PAPPA: variants seen among roughly 807,000 people sequenced by gnomAD.
PAPPA encodes the protein pappalysin 1.
In PAPPA, 60 loss-of-function variants were observed where a neutral mutation model predicts 164.0. The observed-to-expected ratio is 0.37, with a 90% CI of 0.30 to 0.45. The LOEUF is 0.45. Ranked by LOEUF, PAPPA falls within the 20% of genes least tolerant of loss-of-function variation. The pLI is 1.00. For missense variants in PAPPA, 1,782 were observed against 2,087.3 expected (o/e 0.85, Z 2.85); for synonymous variants, 875 against 814.1 (o/e 1.07, Z -1.27).
intron 9 of PAPPA, among the ~76,000 whole-genome samples, chr9:116,278,014 T>C (rs1308676956): frequency 1.3e-5 from 2 of 152,194 alleles, no homozygotes; most frequent in African/African-American, 4.8e-5. Context: ...AGAAACCCTA[T>C]GAGATAAATA....
chr9:116,224,973 T>C (rs1425642771), intron 5 of PAPPA, among the ~76,000 whole-genome samples: 1 of 152,210 alleles, frequency 6.6e-6, no homozygotes, highest in African/African-American at 2.4e-5. Context: ...AATTCCTAGA[T>C]GTGTAGGACA....
At chr9:116,208,928 C>T (rs1265966642) in intron 3 of PAPPA, among the ~76,000 whole-genome samples, 1 of 151,978 alleles carries the variant, frequency 6.6e-6, no homozygotes, top group African/African-American at 2.4e-5. Flanking sequence ...GGATTTTATG[C>T]CCCAGGAGAC....
intron 10 of PAPPA, among the ~76,000 whole-genome samples, chr9:116,315,460 A>T (rs1374117815): frequency 6.6e-6 from 1 of 152,246 alleles, no homozygotes; most frequent in African/African-American, 2.4e-5. Flanking sequence ...CATGATAAAT[A>T]CTGATAAATA....
At chr9:116,205,069 CTTTT>C (rs61708820) in intron 2 of PAPPA, among the ~76,000 whole-genome samples, 1 of 142,246 alleles carries the variant, frequency 7.0e-6, no homozygotes, top group East Asian at 2.0e-4. Context: ...TGTGTTGTTG[CTTTT>C]TTTTTTTTTC....
chr9:116,274,404 T>C (rs553244082), intron 9 of PAPPA, among the ~76,000 whole-genome samples: 1 of 152,328 alleles, frequency 6.6e-6, no homozygotes, highest in African/African-American at 2.4e-5. Flanking sequence ...GAAAACTATC[T>C]TCCTCCGAAA....
At chr9:116,327,866 T>C (rs1349945119) in intron 10 of PAPPA, among the ~76,000 whole-genome samples, 1 of 152,232 alleles carries the variant, frequency 6.6e-6, no homozygotes, top group Non-Finnish European at 1.5e-5. Flanking sequence ...ATTTTGCAGA[T>C]CAACTAGGGC....
At chr9:116,384,792 A>AGTCT (rs977828120) in intron 21 of PAPPA, among the ~76,000 whole-genome samples, 9 of 139,798 alleles carry the variant, frequency 6.4e-5, no homozygotes, top group Non-Finnish European at 1.5e-4. Context: ...CTTCCATTGG[A>AGTCT]GTCAGCCACC....
At chr9:116,258,346 A>G (rs1277199791) in intron 7 of PAPPA, among the ~76,000 whole-genome samples, 1 of 152,066 alleles carries the variant, frequency 6.6e-6, no homozygotes, top group Non-Finnish European at 1.5e-5. Flanking sequence ...TGCTACCGAT[A>G]AAACAGTAGA....
chr9:116,170,673 C>T (rs138184266), intron 1 of PAPPA, among the ~76,000 whole-genome samples: 44 of 150,360 alleles, frequency 2.9e-4, no homozygotes, highest in African/African-American at 9.3e-4. Flanking sequence ...ACCCTTCCAT[C>T]AATCCATCCC....
In PAPPA at chr9:116,235,776, G is replaced by A. The variant is rs940909022; in HGVS notation, c.2732+139G>A. The A allele has an allele frequency of 2.0e-5, 17 of 835,770 alleles. 1 individual carries two copies. Among genetic ancestry groups the A allele is most frequent in the African/African-American group, 1.2e-4 (7 of 59,754 alleles). 51.8% of individuals were successfully genotyped at this position (835,770 alleles called of 1,614,324 possible). On this transcript the variant is annotated intron_variant, in intron 7 of 21. Coordinates refer to ENST00000328252, the MANE Select transcript of PAPPA (RefSeq NM_002581.5). ...TATGGATTGTAACCCATCATTGGGT[G>A]TAGATTTGTCTTAACATGGCAGAGT... is the stretch of plus-strand genomic sequence containing the variant.
intron 7 of PAPPA, among the ~76,000 whole-genome samples, chr9:116,238,201 T>C (rs897352475): frequency 6.6e-6 from 1 of 151,914 alleles, no homozygotes; most frequent in Admixed American, 6.6e-5. Flanking sequence ...TTTAAACAAG[T>C]TTAAAAACCA....
intron 15 of PAPPA, among the ~76,000 whole-genome samples, chr9:116,348,533 A>AG (rs1176610609): frequency 6.6e-6 from 1 of 152,016 alleles, no homozygotes; most frequent in Non-Finnish European, 1.5e-5. Flanking sequence ...GGACATGTGC[A>AG]GGTTTGTTAT....
At chr9:116,169,358 C>CACTCA (rs1843750110) in intron 1 of PAPPA, among the ~76,000 whole-genome samples, 1 of 100,238 alleles carries the variant, frequency 1.0e-5, no homozygotes, top group African/African-American at 3.6e-5. Flanking sequence ...CTCACTCTGT[C>CACTCA]ACTCAGGCTG....
At chr9:116,324,269 GT>G (rs1389323379) in intron 10 of PAPPA, among the ~76,000 whole-genome samples, 12 of 152,256 alleles carry the variant, frequency 7.9e-5, no homozygotes, top group Non-Finnish European at 1.8e-4. Flanking sequence ...ATGACCCTAG[GT>G]AAATTACTGG....
chr9:116,310,840 A>C (rs1392926527), intron 10 of PAPPA, among the ~76,000 whole-genome samples: 1 of 152,184 alleles, frequency 6.6e-6, no homozygotes, highest in Non-Finnish European at 1.5e-5. Context: ...GTGAGACTTT[A>C]AGCAAGTCAG....
chr9:116,155,450 C>A (rs1464859161), intron 1 of PAPPA, among the ~76,000 whole-genome samples: 1 of 152,206 alleles, frequency 6.6e-6, no homozygotes, highest in African/African-American at 2.4e-5. Context: ...TGTGGAAATG[C>A]CTTTAATAAA....
intron 2 of PAPPA, among the ~76,000 whole-genome samples, chr9:116,190,262 G>A (rs1207988420): frequency 6.6e-6 from 1 of 152,208 alleles, no homozygotes; most frequent in East Asian, 1.9e-4. Context: ...TGTGCCTGGT[G>A]AGAGTGGGCG....
intron 2 of PAPPA, 98 bp from the exon 3 acceptor site, chr9:116,207,358 C>A (rs1488357388): frequency 1.3e-5 from 12 of 934,478 alleles, no homozygotes; most frequent in Non-Finnish European, 1.7e-5. Context: ...AAGTGCTTAG[C>A]AAAATGCCTG....
At chr9:116,310,147 C>T (rs1229370857) in intron 10 of PAPPA, among the ~76,000 whole-genome samples, 1 of 152,194 alleles carries the variant, frequency 6.6e-6, no homozygotes, top group Non-Finnish European at 1.5e-5. Flanking sequence ...ATCCTGTGCT[C>T]TATACCCAAT....
Sources: allele counts gnomAD v4.1 joint callset (sites outside exome capture counted in the v4.1 genomes callset), GRCh38; gene constraint gnomAD v4.1.1; transcripts MANE v1.5; gene names NCBI Gene and HGNC (gene_info 2026-07-23, HGNC 2026-07-21).